ATP2B2: variants seen among roughly 807,000 people sequenced by gnomAD.
The protein encoded by ATP2B2 is ATPase plasma membrane Ca2+ transporting 2, also known as plasma membrane calcium-transporting ATPase 2.
In ATP2B2, 15 loss-of-function variants were observed where a neutral mutation model predicts 120.0. That is an observed-to-expected ratio of 0.12 (90% CI 0.08 to 0.19). ATP2B2 has a LOEUF of 0.19. ATP2B2 is among the 10% of genes least tolerant of loss of function. The pLI is 1.00. For synonymous variants in ATP2B2, 694 were observed against 700.3 expected (o/e 0.99, Z 0.14); for missense variants, 1,045 against 1,719.8 (o/e 0.61, Z 6.94).
At chr3:10,369,188 T>A (rs2061156262) in intron 12 of ATP2B2, among the ~76,000 whole-genome samples, 1 of 152,206 alleles carries the variant, frequency 6.6e-6, no homozygotes, top group South Asian at 2.1e-4. Context: ...TTGTATGGGT[T>A]CAGAATGTCC....
chr3:10,411,187 C>T (rs552300130), intron 2 of ATP2B2, among the ~76,000 whole-genome samples: 158 of 152,258 alleles, frequency 1.0e-3, no homozygotes, highest in Non-Finnish European at 2.1e-3. Flanking sequence ...GACACAGACA[C>T]AGAAGGATGA....
Position 10,350,408 on chromosome 3 carries a change from T to G in ATP2B2, c.2306A>C (p.Glu769Ala), listed in dbSNP as rs747147456. The change falls in exon 15 of 23, where the codon GAG (glutamate) becomes GCG (alanine). Residue 769 changes from glutamate to alanine, a missense_variant. By Grantham distance (107) the Glu-to-Ala change is moderately radical (BLOSUM62 -1). This residue lies in a region of ATP2B2 where 343 missense variants were observed against 536.8 expected (regional missense o/e 0.64). Transcript: ENST00000360273. The part of the protein sequence containing the change: ...GKEFNRRIRN[E>A]KGEIEQERID... ...CGTTGGGACACGCACCTCCCCCTTC[T>G]CGTTGCGGATCCTCCTGTTGAACTC... is the stretch of plus-strand genomic sequence containing the variant. The G allele has an allele frequency of 1.2e-6, 2 of 1,614,212 alleles. No individual in the cohort carries two copies. Among genetic ancestry groups the G allele is most frequent in the Non-Finnish European group, 1.7e-6 (2 of 1,180,016 alleles).
intron 1 of ATP2B2, among the ~76,000 whole-genome samples, chr3:10,700,323 C>T (rs1056647198): frequency 5.3e-5 from 8 of 152,144 alleles, no homozygotes; most frequent in African/African-American, 1.9e-4. Context: ...CTCCCCTCTC[C>T]CCCACACGCT....
At chr3:10,453,566 T>G (rs1004048471) in intron 1 of ATP2B2, among the ~76,000 whole-genome samples, 1 of 152,186 alleles carries the variant, frequency 6.6e-6, no homozygotes, top group African/African-American at 2.4e-5. Flanking sequence ...CCTCATGAGG[T>G]TCTTATGACA....
chr3:10,511,362 A>G (rs945952352), intron 3 of ATP2B2, among the ~76,000 whole-genome samples: 1 of 152,222 alleles, frequency 6.6e-6, no homozygotes, highest in Non-Finnish European at 1.5e-5. Context: ...CCCCAGGGAC[A>G]GGAAACTGGG....
At chr3:10,494,964 C>T (rs989182006) in intron 1 of ATP2B2, among the ~76,000 whole-genome samples, 1 of 152,226 alleles carries the variant, frequency 6.6e-6, no homozygotes, top group Non-Finnish European at 1.5e-5. Context: ...CCACAGTTTC[C>T]TCAATAGCAG....
Position 10,533,045 on chromosome 3 carries a change from G to A in ATP2B2, c.-320+994C>T, listed in dbSNP as rs796104164. On this transcript the variant is annotated intron_variant, in intron 3 of 21. Transcript: ENST00000646379. ...TGCAACGTAAGTTGTGTCTGATGCT[G>A]AAAGATGAGCAGTGAGAGCTCTGAT... Among the ~76,000 whole-genome samples the A allele has an allele frequency of 1.3e-4, 20 of 152,316 alleles. 1 individual carries two copies. Among genetic ancestry groups the A allele is most frequent in the African/African-American group, 4.3e-4 (18 of 41,572 alleles).
At chr3:10,561,987 G>A (rs1337410266) in intron 2 of ATP2B2, among the ~76,000 whole-genome samples, 1 of 152,180 alleles carries the variant, frequency 6.6e-6, no homozygotes. Flanking sequence ...GGCTGAAGAA[G>A]ACCACCCAGC....
At chr3:10,488,495 C>CTTCA (rs1559402956) in intron 1 of ATP2B2, among the ~76,000 whole-genome samples, 8 of 99,114 alleles carry the variant, frequency 8.1e-5, no homozygotes, top group South Asian at 4.0e-4. Flanking sequence ...TCCTTCCTTC[C>CTTCA]TTCCTTCCTT....
At chr3:10,614,101 T>C (rs1018300947) in intron 2 of ATP2B2, among the ~76,000 whole-genome samples, 2 of 152,122 alleles carry the variant, frequency 1.3e-5, no homozygotes, top group African/African-American at 4.8e-5. Context: ...CTCACCCAGC[T>C]GTATTCTCCT....
chr3:10,382,934 G>C (rs1002687707), intron 8 of ATP2B2, among the ~76,000 whole-genome samples: 1 of 151,844 alleles, frequency 6.6e-6, no homozygotes, highest in African/African-American at 2.4e-5. Context: ...AATCGGCAAG[G>C]TTCCACCTTG....
chr3:10,584,813 C>T (rs2068469396), intron 2 of ATP2B2, among the ~76,000 whole-genome samples: 1 of 152,204 alleles, frequency 6.6e-6, no homozygotes. Flanking sequence ...ATCTAACAGG[C>T]ATCCCAAGCA....
At chr3:10,397,203 G>A (rs968501827) in intron 5 of ATP2B2, among the ~76,000 whole-genome samples, 13 of 152,186 alleles carry the variant, frequency 8.5e-5, no homozygotes, top group Admixed American at 8.5e-4. Flanking sequence ...CCAGGGGTGA[G>A]CTGGGCACAA....
intron 2 of ATP2B2, among the ~76,000 whole-genome samples, chr3:10,547,778 C>T (rs955044265): frequency 1.3e-5 from 2 of 152,136 alleles, no homozygotes; most frequent in Admixed American, 6.6e-5. Context: ...AACTGAAGTC[C>T]CTTGTAAGGC....
In ATP2B2 at chr3:10,347,066, C is replaced by T. The variant is rs2060451833; in HGVS notation, c.2405-929G>A. On this transcript the variant is annotated intron_variant, in intron 16 of 22. Transcript: ENST00000360273. The surrounding 1 kb of genome is among the most constrained non-coding windows in gnomAD (Gnocchi z 5.2). ...TGAACCAGTTCCGTCCCCCAGCCAT[C>T]CCCGGAATGTCGTTTTCCTGCTTCC... is the stretch of plus-strand genomic sequence containing the variant. Among the ~76,000 whole-genome samples, 1 of 152,142 alleles carries T rather than the reference C, an allele frequency of 6.6e-6. No individual in the cohort carries two copies. The highest frequency in any genetic ancestry group is 2.4e-5 in the African/African-American group (1 of 41,412).
At chr3:10,649,376 T>A (rs1458432139) in intron 1 of ATP2B2, among the ~76,000 whole-genome samples, 1 of 152,304 alleles carries the variant, frequency 6.6e-6, no homozygotes, top group South Asian at 2.1e-4. Flanking sequence ...TAGACAGAAC[T>A]CCCTAAAGGG....
chr3:10,561,929 G>T (rs995520849), intron 2 of ATP2B2, among the ~76,000 whole-genome samples: 2 of 152,172 alleles, frequency 1.3e-5, no homozygotes, highest in Non-Finnish European at 1.5e-5. Context: ...TCACAGTCAG[G>T]ATTTGAACCC....
intron 3 of ATP2B2, among the ~76,000 whole-genome samples, chr3:10,409,968 T>C (rs73016702): frequency 0.047 from 7,172 of 152,212 alleles, 200 homozygotes; most frequent in Middle Eastern, 0.071. Flanking sequence ...CCCTCACCTG[T>C]GTGCTTATTA....
At chr3:10,500,689 C>T (rs1388574225) in intron 1 of ATP2B2, among the ~76,000 whole-genome samples, 3 of 152,172 alleles carry the variant, frequency 2.0e-5, no homozygotes, top group Admixed American at 1.3e-4. Flanking sequence ...CTCAGCCTCT[C>T]CAGGAAAAGC....
Sources: allele counts gnomAD v4.1 joint callset (sites outside exome capture counted in the v4.1 genomes callset), GRCh38; gene constraint gnomAD v4.1.1; regional missense constraint gnomAD v4.1.1; non-coding constraint Gnocchi (gnomAD v3.1); transcripts MANE v1.5; gene names NCBI Gene and HGNC (gene_info 2026-07-23, HGNC 2026-07-21).